The following SNX9 variants were observed in gnomAD, a reference collection of about 807,000 sequenced individuals.
The protein encoded by SNX9 is sorting nexin-9.
A neutral mutation model predicts 89.4 loss-of-function variants in SNX9; 44 were observed. The ratio of observed to expected loss-of-function variants is 0.49; its 90% confidence interval spans 0.39 to 0.63. SNX9 has a LOEUF of 0.63. SNX9 is among the 30% of genes least tolerant of loss of function. The probability of loss-of-function intolerance (pLI) is 0.00; values close to 1 mark genes in which losing one functional copy is unlikely to be tolerated. For synonymous variants in SNX9, 236 were observed against 247.8 expected, an observed-to-expected ratio of 0.95 and a Z score of 0.45; for missense variants, 578 against 736.1, an observed-to-expected ratio of 0.79 and a Z score of 2.49.
chr6:157,888,883 G>A (rs1165127434), intron 4 of SNX9, among the ~76,000 whole-genome samples: 3 of 152,128 alleles, frequency 2.0e-5, no homozygotes, highest in Admixed American at 6.5e-5. Context: ...TTCATCCCAC[G>A]GGCAGTGAGA....
At chr6:157,913,847 A>G (rs750630682) in intron 9 of SNX9, among the ~76,000 whole-genome samples, 13 of 152,208 alleles carry the variant, frequency 8.5e-5, no homozygotes, top group Non-Finnish European at 1.5e-4. Flanking sequence ...TTCGTGGCCA[A>G]TAGTATTCCA....
At chr6:157,826,482 AGAGT>A (rs1781346677) in intron 1 of SNX9, among the ~76,000 whole-genome samples, 2 of 149,752 alleles carry the variant, frequency 1.3e-5, no homozygotes, top group Admixed American at 6.7e-5. Flanking sequence ...CCTGGGTGAC[AGAGT>A]GAGACTCCAT....
chr6:157,893,656 G>A (rs1166710590), intron 4 of SNX9, among the ~76,000 whole-genome samples: 1 of 151,830 alleles, frequency 6.6e-6, no homozygotes, highest in Non-Finnish European at 1.5e-5. Flanking sequence ...TAAAGGGGAA[G>A]ACTTGCTATT....
intron 1 of SNX9, among the ~76,000 whole-genome samples, chr6:157,848,006 A>T (rs921128076): frequency 6.6e-6 from 1 of 151,862 alleles, no homozygotes; most frequent in African/African-American, 2.4e-5. Context: ...CACTGGCAAG[A>T]CCCCTCCTCA....
At chr6:157,844,742 C>T (rs543540727) in intron 1 of SNX9, among the ~76,000 whole-genome samples, 33 of 151,786 alleles carry the variant, frequency 2.2e-4, no homozygotes, top group African/African-American at 8.0e-4. Context: ...TATAGGCACC[C>T]GCCACCACGC....
chr6:157,875,243 T>C, intron 4 of SNX9, 67 bp downstream of exon 4: 3 of 1,544,532 alleles, frequency 1.9e-6, no homozygotes, highest in Non-Finnish European at 2.6e-6. Flanking sequence ...TTGTGAAGGC[T>C]TGTGATGCAT....
chr6:157,902,212 T>TA (rs57207307), intron 6 of SNX9, among the ~76,000 whole-genome samples, 167 bp downstream of exon 6: 4,483 of 144,910 alleles, frequency 0.031, 214 homozygotes, highest in African/African-American at 0.1. Context: ...GAAGCTTACT[T>TA]AAAAAAAAAA....
intron 14 of SNX9, among the ~76,000 whole-genome samples, chr6:157,936,985 A>G (rs1405288908): frequency 6.6e-6 from 1 of 152,030 alleles, no homozygotes; most frequent in Non-Finnish European, 1.5e-5. Flanking sequence ...CTAAAAAAGC[A>G]TTCATTTTAA....
chr6:157,898,952 T>G (rs1277903349), intron 5 of SNX9, among the ~76,000 whole-genome samples: 4 of 152,188 alleles, frequency 2.6e-5, no homozygotes, highest in Non-Finnish European at 2.9e-5. Context: ...CACATCCTTC[T>G]CATAGTTTGT....
chr6:157,933,792 G>A (rs1213939754), intron 13 of SNX9, among the ~76,000 whole-genome samples: 1 of 152,182 alleles, frequency 6.6e-6, no homozygotes, highest in Admixed American at 6.5e-5. Flanking sequence ...CGGCTCCACA[G>A]GCATCCATGG....
intron 10 of SNX9, among the ~76,000 whole-genome samples, chr6:157,921,878 G>A (rs1471720922): frequency 6.6e-6 from 1 of 152,210 alleles, no homozygotes; most frequent in Non-Finnish European, 1.5e-5. Context: ...ACTGGGAGTG[G>A]GTTGGCTCAA....
chr6:157,888,545 TCACTGGG>T, intron 4 of SNX9, among the ~76,000 whole-genome samples: 1 of 152,360 alleles, frequency 6.6e-6, no homozygotes, highest in East Asian at 1.9e-4. Flanking sequence ...TCACTCTTGT[TCACTGGG>T]CACCTTTTTT....
intron 1 of SNX9, among the ~76,000 whole-genome samples, chr6:157,848,992 ATCCC>A (rs959769642): frequency 3.9e-5 from 6 of 152,290 alleles, no homozygotes; most frequent in Non-Finnish European, 7.4e-5. Flanking sequence ...CATGCCTGTA[ATCCC>A]AGTACTTTGA....
At chr6:157,895,625 GA>G (rs1041846671) in intron 4 of SNX9, among the ~76,000 whole-genome samples, 151 of 142,424 alleles carry the variant, frequency 1.1e-3, no homozygotes, top group Non-Finnish European at 1.5e-3. Context: ...GCTGTTAAGA[GA>G]AAAAAAAAAA....
intron 1 of SNX9, among the ~76,000 whole-genome samples, chr6:157,862,879 C>T (rs1190660444): frequency 6.6e-6 from 1 of 152,084 alleles, no homozygotes; most frequent in East Asian, 1.9e-4. Context: ...AACTTGGACT[C>T]TCTAGGTTGC....
At chr6:157,915,640 A>AAAAAAAAAAAAAAAAATATAT (rs1472422303) in intron 9 of SNX9, among the ~76,000 whole-genome samples, 1 of 95,172 alleles carries the variant, frequency 1.1e-5, no homozygotes, top group East Asian at 2.3e-4. Flanking sequence ...AAAAAAAAAA[A>AAAAAAAAAAAAAAAAATATAT]ATATATATAT....
intron 1 of SNX9, among the ~76,000 whole-genome samples, chr6:157,828,794 G>A (rs186806783): frequency 9.3e-4 from 141 of 152,166 alleles, no homozygotes; most frequent in East Asian, 3.3e-3. Flanking sequence ...GTCTTAATGC[G>A]TCTAAGCATC....
intron 1 of SNX9, among the ~76,000 whole-genome samples, chr6:157,848,760 C>T (rs1458779192): frequency 6.6e-6 from 1 of 152,098 alleles, no homozygotes; most frequent in Non-Finnish European, 1.5e-5. Flanking sequence ...CCACAAGCAA[C>T]GATAGTACAG....
At chr6:157,921,730 T>C in intron 10 of SNX9, 69 bp downstream of exon 10, 2 of 1,508,108 alleles carry the variant, frequency 1.3e-6, no homozygotes, top group Non-Finnish European at 1.8e-6. Flanking sequence ...AACTTATTTC[T>C]GAAAGGAGTT....
Sources: allele counts gnomAD v4.1 joint callset (sites outside exome capture counted in the v4.1 genomes callset), GRCh38; gene constraint gnomAD v4.1.1; transcripts MANE v1.5; gene names NCBI Gene and HGNC (gene_info 2026-07-23, HGNC 2026-07-21).